Variants in ITPR1 observed in about 807,000 individuals in gnomAD.
ITPR1 encodes inositol 1,4,5-trisphosphate receptor type 1, also known as inositol 1,4,5-trisphosphate-gated calcium channel ITPR1.
ITPR1 carries 96 observed loss-of-function variants against 318.4 expected under a neutral mutation model. That is an observed-to-expected ratio of 0.30 (90% CI 0.26 to 0.36). The LOEUF is 0.36. Among genes scored for constraint, ITPR1 ranks in the 10% least tolerant of loss-of-function variants. The pLI, the probability that ITPR1 is intolerant of heterozygous loss-of-function variation, is 1.00. For missense variants in ITPR1, 2,440 were observed against 3,460.2 expected (o/e 0.71, Z 7.40); for synonymous variants, 1,312 against 1,289.9 (o/e 1.02, Z -0.37).
intron 44 of ITPR1, chr3:4,750,931 T>A (rs201586539): frequency 2.6e-5 from 4 of 152,910 alleles, no homozygotes; most frequent in African/African-American, 4.8e-5. Flanking sequence ...TCTTTTCCCA[T>A]GATTTTTTTA....
chr3:4,523,194 C>T (rs2082699528), intron 4 of ITPR1, among the ~76,000 whole-genome samples: 2 of 152,146 alleles, frequency 1.3e-5, no homozygotes, highest in South Asian at 2.1e-4. Context: ...GAGCTCTTAT[C>T]TTGTTCTATA....
chr3:4,525,385 A>G (rs562760003), intron 4 of ITPR1, among the ~76,000 whole-genome samples: 13 of 152,346 alleles, frequency 8.5e-5, no homozygotes, highest in African/African-American at 3.1e-4. Flanking sequence ...GAAGAGTTCA[A>G]CATCGAACAC....
intron 54 of ITPR1, among the ~76,000 whole-genome samples, chr3:4,802,784 G>T (rs1191125477): frequency 6.6e-6 from 1 of 151,804 alleles, no homozygotes; most frequent in Non-Finnish European, 1.5e-5. Flanking sequence ...GGCTGAGATG[G>T]TGCCACTTCA....
At chr3:4,839,242 G>A (rs901514137) in intron 61 of ITPR1, among the ~76,000 whole-genome samples, 4 of 152,088 alleles carry the variant, frequency 2.6e-5, no homozygotes, top group Middle Eastern at 3.4e-3. Flanking sequence ...CAGGAGAATC[G>A]CTTGAACCCA....
At chr3:4,566,697 C>T (rs930846726) in intron 4 of ITPR1, among the ~76,000 whole-genome samples, 8 of 151,854 alleles carry the variant, frequency 5.3e-5, no homozygotes, top group African/African-American at 1.7e-4. Flanking sequence ...CTCCTGAATG[C>T]AATGCAGATT....
Position 4,662,202 on chromosome 3 carries a change from G to A in ITPR1, c.1372G>A (p.Gly458Arg). 1 of 1,612,186 alleles carries A rather than the reference G, an allele frequency of 6.2e-7. No individual in the cohort carries two copies. The highest frequency in any genetic ancestry group is 8.5e-7 in the Non-Finnish European group (1 of 1,178,764). Reference protein sequence around the residue: ...DASKVLGSIAGKLEKGTITQN... With the variant: ...DASKVLGSIARKLEKGTITQN... The stretch of plus-strand genomic sequence containing the variant: ...CAGCAAGGTGCTGGGCTCCATTGCT[G>A]GGAAGCTAGAGAAGGGCACCATCAC... The change falls in exon 15 of 62, where the codon GGG (glycine) becomes AGG (arginine). Residue 458 changes from glycine (G) to arginine (R), a missense_variant. Transcript: ENST00000649015.
chr3:4,812,543 G>T (rs2049005979), intron 56 of ITPR1, among the ~76,000 whole-genome samples: 1 of 152,104 alleles, frequency 6.6e-6, no homozygotes, highest in South Asian at 2.1e-4. Flanking sequence ...TACTTGAATG[G>T]TACCCAAGTG....
intron 4 of ITPR1, among the ~76,000 whole-genome samples, chr3:4,569,205 A>C (rs978929165): frequency 1.3e-5 from 2 of 151,644 alleles, no homozygotes; most frequent in African/African-American, 2.4e-5. Context: ...GATCCCATGA[A>C]AGTTTTTTAA....
intron 4 of ITPR1, among the ~76,000 whole-genome samples, chr3:4,527,779 T>C (rs1466044197): frequency 1.3e-5 from 2 of 152,184 alleles, no homozygotes; most frequent in Admixed American, 1.3e-4. Context: ...AACTTGAGGA[T>C]CACACTTGTG....
chr3:4,691,123 T>G (rs1294173852), intron 31 of ITPR1, 21 bp from the exon 32 acceptor site: 1 of 1,571,870 alleles, frequency 6.4e-7, no homozygotes, highest in Non-Finnish European at 8.7e-7. Context: ...CCCTGTGCTC[T>G]TTTCCTCACT....
intron 44 of ITPR1, among the ~76,000 whole-genome samples, chr3:4,748,991 G>C (rs2044307425): frequency 6.6e-6 from 1 of 152,208 alleles, no homozygotes; most frequent in South Asian, 2.1e-4. Context: ...GGCTAGTGGG[G>C]TTTGGCTGAC....
intron 60 of ITPR1, among the ~76,000 whole-genome samples, chr3:4,827,455 C>T (rs954183608): frequency 4.6e-5 from 7 of 152,150 alleles, no homozygotes; most frequent in African/African-American, 9.7e-5. Context: ...TTAAAACCTG[C>T]GTCTTTACAA....
intron 4 of ITPR1, among the ~76,000 whole-genome samples, chr3:4,535,899 A>G (rs554366670): frequency 1.4e-4 from 21 of 152,246 alleles, no homozygotes; most frequent in African/African-American, 5.1e-4. Flanking sequence ...ACAGGCCATA[A>G]GCAATAATCT....
At chr3:4,843,687 A>C (rs1271634732) in intron 61 of ITPR1, among the ~76,000 whole-genome samples, 1 of 152,206 alleles carries the variant, frequency 6.6e-6, no homozygotes, top group Non-Finnish European at 1.5e-5. Flanking sequence ...CTGAGCAAAG[A>C]ATTGGCCAAT....
rs574765245 is a variant in ITPR1 at position 4,696,676 on chromosome 3, T to G, written c.4282-471T>G. ...GAAGTTGAGCCCCTTGCCGTGTGTT[T>G]TTTTTTTTTTTTTTTTGACATTTGA... On this transcript the variant is annotated intron_variant, in intron 33 of 61. Coordinates refer to ENST00000649015, the MANE Select transcript of ITPR1 (RefSeq NM_001378452.1). Among the ~76,000 whole-genome samples the G allele has an allele frequency of 1.5e-3, 196 of 127,702 alleles. 1 individual carries two copies. Among genetic ancestry groups the G allele is most frequent in the African/African-American group, 4.4e-3 (95 of 21,708 alleles). The allele number at this position is 127,702 out of a possible 152,430, so 83.8% of individuals were successfully genotyped here.
intron 4 of ITPR1, among the ~76,000 whole-genome samples, chr3:4,606,882 G>T (rs1486758185): frequency 6.6e-6 from 1 of 152,098 alleles, no homozygotes; most frequent in African/African-American, 2.4e-5. Flanking sequence ...ACTTGGGAAA[G>T]GCACAGAAGA....
chr3:4,661,203 T>TGG (rs879420986), intron 14 of ITPR1, 116 bp downstream of exon 14: 1 of 578,742 alleles, frequency 1.7e-6, no homozygotes, highest in Non-Finnish European at 3.1e-6. Context: ...GGCGAGAGTG[T>TGG]GGTCATGGCC....
chr3:4,781,245 T>A (rs1042033493), intron 49 of ITPR1, among the ~76,000 whole-genome samples: 4 of 152,338 alleles, frequency 2.6e-5, no homozygotes, highest in African/African-American at 9.6e-5. Context: ...TTCATGGGAA[T>A]GGCCTCGTGG....
intron 46 of ITPR1, among the ~76,000 whole-genome samples, chr3:4,769,453 T>C (rs760222795): frequency 6.6e-6 from 1 of 152,244 alleles, no homozygotes; most frequent in African/African-American, 2.4e-5. Context: ...ATTTCTAAAA[T>C]TGGATACATA....
Sources: allele counts gnomAD v4.1 joint callset (sites outside exome capture counted in the v4.1 genomes callset), GRCh38; gene constraint gnomAD v4.1.1; transcripts MANE v1.5; gene names NCBI Gene and HGNC (gene_info 2026-07-23, HGNC 2026-07-21).